SEPTIN7: variants seen among roughly 807,000 people sequenced by gnomAD.
SEPTIN7 encodes the protein septin-7.
In SEPTIN7, 10 loss-of-function variants were observed where a neutral mutation model predicts 63.3. The ratio of observed to expected loss-of-function variants is 0.16; its 90% CI spans 0.10 to 0.27. The LOEUF (loss-of-function observed/expected upper bound fraction) is 0.27. Among genes scored for constraint, SEPTIN7 ranks in the 10% least tolerant of loss-of-function variants. The pLI is 1.00. For missense variants in SEPTIN7, 310 were observed against 521.0 expected (o/e 0.59, Z 3.94); for synonymous variants, 131 against 165.3 (o/e 0.79, Z 1.59).
intron 7 of SEPTIN7, among the ~76,000 whole-genome samples, chr7:35,882,071 G>C (rs556270367): frequency 6.6e-6 from 1 of 151,854 alleles, no homozygotes; most frequent in African/African-American, 2.4e-5. Flanking sequence ...AAAATTTTAC[G>C]TGAGTTTAGC....
At chr7:35,842,853 T>C (rs1355196778) in intron 3 of SEPTIN7, among the ~76,000 whole-genome samples, 1 of 152,196 alleles carries the variant, frequency 6.6e-6, no homozygotes, top group Non-Finnish European at 1.5e-5. Context: ...CTCAAGGATA[T>C]TCTGCTATAT....
At chr7:35,853,167 C>G (rs1011643897) in intron 3 of SEPTIN7, among the ~76,000 whole-genome samples, 3 of 152,162 alleles carry the variant, frequency 2.0e-5, no homozygotes, top group African/African-American at 7.2e-5. Flanking sequence ...CCCTGGTGCT[C>G]AAGCATGTAA....
intron 10 of SEPTIN7, among the ~76,000 whole-genome samples, chr7:35,887,380 C>T (rs1350651382): frequency 6.6e-6 from 1 of 152,348 alleles, no homozygotes; most frequent in East Asian, 1.9e-4. Flanking sequence ...GATGGAGTCT[C>T]ACTTTCTTGC....
At chr7:35,837,459 A>T (rs1784136499) in intron 3 of SEPTIN7, among the ~76,000 whole-genome samples, 1 of 152,330 alleles carries the variant, frequency 6.6e-6, no homozygotes, top group East Asian at 1.9e-4. Flanking sequence ...ATACTATAAT[A>T]ACATCGTTAT....
intron 1 of SEPTIN7, among the ~76,000 whole-genome samples, chr7:35,807,175 C>G (rs185199668): frequency 2.8e-4 from 42 of 151,116 alleles, no homozygotes; most frequent in Non-Finnish European, 5.0e-4. Flanking sequence ...TCTGAAATTG[C>G]TTTTTTAAAA....
At chr7:35,822,351 C>T (rs915556269) in intron 1 of SEPTIN7, among the ~76,000 whole-genome samples, 3 of 152,178 alleles carry the variant, frequency 2.0e-5, no homozygotes, top group African/African-American at 7.2e-5. Flanking sequence ...AGTGAGCCAC[C>T]ACACTCAGCC....
At position 35,906,033 on chromosome 7, in the gene SEPTIN7, C is replaced by T. The variant is rs1165039808; in HGVS notation, c.*1740C>T. On this transcript the variant is annotated 3_prime_UTR_variant, in exon 14 of 14. Coordinates refer to ENST00000350320, the MANE Select transcript of SEPTIN7 (RefSeq NM_001788.6). Reference sequence around the variant, plus strand: ...TTGTTGTTTGGGTGTTTATTTTTTTCAGTTTTTGTTTTGAGAGATTGGGTT... The same window carrying T: ...TTGTTGTTTGGGTGTTTATTTTTTTTAGTTTTTGTTTTGAGAGATTGGGTT... The T allele has an allele frequency of 6.6e-6, 1 of 151,836 alleles. No individual in the cohort carries two copies. Among genetic ancestry groups the T allele is most frequent in the East Asian group, 1.9e-4 (1 of 5,186 alleles). The allele number at this position is 151,836 out of a possible 1,614,324, so 9.4% of individuals were successfully genotyped here.
chr7:35,860,044 C>T (rs1785418915), intron 3 of SEPTIN7, among the ~76,000 whole-genome samples: 1 of 151,002 alleles, frequency 6.6e-6, no homozygotes, highest in Non-Finnish European at 1.5e-5. Context: ...TTTTGTCCTT[C>T]ATTTCTTCCA....
At chr7:35,860,908 A>C (rs1389835466) in intron 3 of SEPTIN7, among the ~76,000 whole-genome samples, 1 of 152,158 alleles carries the variant, frequency 6.6e-6, no homozygotes, top group Non-Finnish European at 1.5e-5. Context: ...TTTTTCCTTC[A>C]TGTAATCTCT....
At chr7:35,911,869 A>G (rs1401517293), downstream of SEPTIN7, among the ~76,000 whole-genome samples, 5 of 152,226 alleles carry the variant, frequency 3.3e-5, no homozygotes, top group African/African-American at 1.2e-4. Flanking sequence ...AGCATCCCAG[A>G]CACACCCGAC....
At chr7:35,875,475 C>G (rs750055352) in intron 6 of SEPTIN7, among the ~76,000 whole-genome samples, 1 of 152,038 alleles carries the variant, frequency 6.6e-6, no homozygotes, top group Non-Finnish European at 1.5e-5. Flanking sequence ...CTGGGTAGTC[C>G]CTGGGTTCCC....
chr7:35,908,893 T>C (rs1313923773), downstream of SEPTIN7, among the ~76,000 whole-genome samples: 2 of 152,198 alleles, frequency 1.3e-5, no homozygotes, highest in African/African-American at 4.8e-5. Context: ...CTCATTTAAT[T>C]CTGTTGTCTT....
intron 11 of SEPTIN7, among the ~76,000 whole-genome samples, chr7:35,897,712 G>C (rs928016193): frequency 1.3e-5 from 2 of 152,126 alleles, no homozygotes; most frequent in Non-Finnish European, 2.9e-5. Context: ...AAGGGGCCTA[G>C]AAATATTCTG....
At chr7:35,852,903 A>C (rs1355045914) in intron 3 of SEPTIN7, among the ~76,000 whole-genome samples, 1 of 152,052 alleles carries the variant, frequency 6.6e-6, no homozygotes, top group African/African-American at 2.4e-5. Flanking sequence ...AAGGACGTAG[A>C]TCTATTATTG....
the SEPTIN7 span, among the ~76,000 whole-genome samples, chr7:35,914,816 G>A: frequency 2.0e-5 from 3 of 151,162 alleles, no homozygotes; most frequent in South Asian, 2.1e-4. Flanking sequence ...ATGCATACAA[G>A]TATATAGATA....
intron 1 of SEPTIN7, among the ~76,000 whole-genome samples, chr7:35,822,174 G>C (rs1789461417): frequency 6.6e-6 from 1 of 152,054 alleles, no homozygotes; most frequent in Non-Finnish European, 1.5e-5. Flanking sequence ...CTGCCTCCCA[G>C]GTTCAAGCAA....
At chr7:35,846,396 A>G (rs1185405766) in intron 3 of SEPTIN7, among the ~76,000 whole-genome samples, 1 of 152,184 alleles carries the variant, frequency 6.6e-6, no homozygotes, top group Non-Finnish European at 1.5e-5. Flanking sequence ...AGTAAATGGC[A>G]TGGTAAAGGA....
intron 3 of SEPTIN7, among the ~76,000 whole-genome samples, chr7:35,838,298 TTCCTTCCCTCCC>T (rs1784199033): frequency 3.7e-4 from 2 of 5,410 alleles, no homozygotes; most frequent in Middle Eastern, 0.029. Flanking sequence ...CCTTCCTTCC[TTCCTTCCCTCCC>T]TCCCTCCCTC....
chr7:35,914,119 A>G, the SEPTIN7 span, among the ~76,000 whole-genome samples: 1 of 152,240 alleles, frequency 6.6e-6, no homozygotes, highest in Non-Finnish European at 1.5e-5. Flanking sequence ...AGAATGAGGT[A>G]TTCCTTTATT....
Sources: allele counts gnomAD v4.1 joint callset (sites outside exome capture counted in the v4.1 genomes callset), GRCh38; gene constraint gnomAD v4.1.1; transcripts MANE v1.5; gene names NCBI Gene and HGNC (gene_info 2026-07-23, HGNC 2026-07-21).